The following KCNH2 variants were observed in gnomAD, a reference collection of about 807,000 sequenced individuals.
KCNH2 encodes the protein potassium voltage-gated channel subfamily H member 2.
A neutral mutation model predicts 95.9 loss-of-function variants in KCNH2; 35 were observed. The ratio of observed to expected loss-of-function variants is 0.37; its 90% CI spans 0.28 to 0.48. The LOEUF is 0.48. KCNH2 is among the 20% of genes least tolerant of loss of function. The pLI is 0.99. For missense variants in KCNH2, 1,274 were observed against 1,702.9 expected (o/e 0.75, Z 4.43); for synonymous variants, 786 against 754.7 (o/e 1.04, Z -0.68).
intron 2 of KCNH2, among the ~76,000 whole-genome samples, chr7:150,960,620 T>G (rs536101449): frequency 2.6e-5 from 4 of 152,356 alleles, no homozygotes; most frequent in Admixed American, 2.0e-4. Flanking sequence ...ATTTCACAGA[T>G]GTACCAGCCT....
intron 2 of KCNH2, among the ~76,000 whole-genome samples, chr7:150,964,410 AG>A (rs1276267654): frequency 5.9e-5 from 9 of 152,082 alleles, no homozygotes; most frequent in Admixed American, 1.3e-4. Flanking sequence ...AGGGAAGGAG[AG>A]GGAACAAGCC....
chr7:150,971,454 T>C (rs1217585391), intron 2 of KCNH2, among the ~76,000 whole-genome samples: 2 of 151,958 alleles, frequency 1.3e-5, no homozygotes, highest in East Asian at 1.9e-4. Flanking sequence ...GAGAAGCTAA[T>C]AGACTCCTCT....
intron 5 of KCNH2, among the ~76,000 whole-genome samples, chr7:150,956,100 A>T (rs1356568316): frequency 6.6e-6 from 1 of 152,174 alleles, no homozygotes; most frequent in Non-Finnish European, 1.5e-5. Flanking sequence ...ACTGGCAGGA[A>T]CACACACGCC....
chr7:150,950,205 G>A lies in KCNH2; in HGVS notation c.2361C>T (p.Ile787=), dbSNP rs147635827. 21 of 1,611,536 alleles carry A rather than the reference G, an allele frequency of 1.3e-5. No homozygotes were observed. The highest frequency in any genetic ancestry group is 2.2e-5 in the East Asian group (1 of 44,750). Residue 787 remains isoleucine (I), a synonymous_variant, in exon 9 of 15, where the codon ATC becomes ATT. Coordinates refer to ENST00000262186, the MANE Select transcript of KCNH2 (RefSeq NM_000238.4). ...CGACGACGTCGCCCCGCAGGATCTCGATGGAGCCCCGGGAGATGAAGTACA... is the reference window on the plus strand; with the variant it reads ...CGACGACGTCGCCCCGCAGGATCTCAATGGAGCCCCGGGAGATGAAGTACA... ...TALYFISRGS[I]EILRGDVVVA... is the part of the protein sequence containing the mutation.
intron 2 of KCNH2, among the ~76,000 whole-genome samples, chr7:150,973,839 C>T (rs928918740): frequency 6.6e-6 from 1 of 152,248 alleles, no homozygotes; most frequent in Non-Finnish European, 1.5e-5. Flanking sequence ...TAGTGCCTGC[C>T]AGGCTCACAA....
chr7:150,959,608 T>A lies in KCNH2; in HGVS notation c.436A>T (p.Asn146Tyr). 1.2e-6 allele frequency: 2 copies of A among 1,614,052 alleles called. No homozygotes were observed. Among genetic ancestry groups the A allele is most frequent in the South Asian group, 2.2e-5 (2 of 91,072 alleles). Residue 146 changes from asparagine to tyrosine, a missense_variant, in exon 3 of 15, where the codon AAC (asparagine) becomes TAC (tyrosine). Around this residue, in one of 7 missense-constraint regions of KCNH2, gnomAD observed 392 missense variants for 429.9 expected, o/e 0.91. Transcript: ENST00000262186. ...CAGCTGGTGGGGGGGCCCCGGTGGT[T>A]GGTGTCATGAGCCGGGGACCCCACC... is the stretch of plus-strand genomic sequence containing the variant. The part of the protein sequence containing the change: ...DMVGSPAHDT[N>Y]HRGPPTSWLA...
Position 150,952,371 on chromosome 7 carries a change from C to T in KCNH2, c.1557+54G>A. On this transcript the variant is annotated intron_variant, in intron 6 of 14. Coordinates refer to ENST00000262186, the MANE Select transcript of KCNH2 (RefSeq NM_000238.4). The surrounding 1 kb of genome is among the most constrained non-coding windows in gnomAD (Gnocchi z 7.3). ...ACCCCCTCCACCCCACTACCTCCCA[C>T]CACATTCCTGGCCTCTCCTCTCCCT... is the stretch of plus-strand genomic sequence containing the variant. 1 of 1,563,822 alleles carries T rather than the reference C, an allele frequency of 6.4e-7. No homozygotes were observed. The highest frequency in any genetic ancestry group is 1.1e-5 in the South Asian group (1 of 88,304).
At chr7:150,948,614 C>A (rs1158996911) in intron 10 of KCNH2, 71 bp from the exon 11 acceptor site, 4 of 1,388,588 alleles carry the variant, frequency 2.9e-6, no homozygotes, top group Non-Finnish European at 4.1e-6. Context: ...CCCAAGCTCC[C>A]TCCTTAACAC....
chr7:150,945,607 G>T lies in KCNH2; in HGVS notation c.3331-93C>A. 7.5e-7 allele frequency: 1 copy of T among 1,333,960 alleles called. No homozygotes were observed. The highest frequency in any genetic ancestry group is 1.1e-6 in the Non-Finnish European group (1 of 950,424). 82.6% of individuals were successfully genotyped at this position (1,333,960 alleles called of 1,614,324 possible). A position where few individuals can be genotyped will look rare whatever the true frequency, so the allele number is the denominator to read the frequency against. On this transcript the variant is annotated intron_variant, in intron 14 of 14. Coordinates refer to ENST00000262186, the MANE Select transcript of KCNH2 (RefSeq NM_000238.4). The surrounding 1 kb of genome is among the most constrained non-coding windows in gnomAD (Gnocchi z 5.6). ...CAGGAGAACCCGGGGACAGAGGATG[G>T]ACGGGAGGACAGGAGGGCCAAGAGG...
rs1212065784 is a variant in KCNH2, at chr7:150,947,410, TGAG to T, written c.3067_3069del (p.Leu1023del). ...CGACCCGGGCTGGAGAGGGGGATGT[TGAG>T]GAGGCTGGGGGTGGGGGCGGGGCAT... On this transcript the variant is annotated inframe_deletion, in exon 13 of 15. Coordinates refer to ENST00000262186, the MANE Select transcript of KCNH2 (RefSeq NM_000238.4). 3.2e-6 allele frequency: 5 copies of T among 1,550,244 alleles called. No homozygotes were observed. The highest frequency in any genetic ancestry group is 4.4e-6 in the Non-Finnish European group (5 of 1,147,114).
At chr7:150,976,982 G>A (rs1167395079) in intron 1 of KCNH2, among the ~76,000 whole-genome samples, 1 of 151,988 alleles carries the variant, frequency 6.6e-6, no homozygotes, top group Non-Finnish European at 1.5e-5. Context: ...CAACTCCCAG[G>A]GCCCTTGGCA....
rs1801234584 is a variant in KCNH2, at chr7:150,952,828, A to G, written c.1154T>C (p.Leu385Pro). ...TQVLSLGADV[L>P]PEYKLQAPRI... ...CGGTGCCTGCAGCTTGTACTCAGGC[A>G]GCACGTCGGCGCCCAGGGACAGGAC... The change falls in exon 6 of 15, where the codon CTG becomes CCG. Residue 385 changes from leucine to proline, a missense_variant. This residue lies in a region of KCNH2 where 392 missense variants were observed against 429.9 expected (regional missense o/e 0.91). Transcript: ENST00000262186. The surrounding 1 kb of genome is among the most constrained non-coding windows in gnomAD (Gnocchi z 7.3). 6.2e-7 allele frequency: 1 copy of G among 1,613,922 alleles called. No homozygotes were observed. Among genetic ancestry groups the G allele is most frequent in the Admixed American group, 1.7e-5 (1 of 60,012 alleles).
intron 9 of KCNH2, 85 bp from the exon 10 acceptor site, chr7:150,949,134 G>A (rs915758658): frequency 5.6e-5 from 69 of 1,223,294 alleles, no homozygotes; most frequent in South Asian, 2.2e-4. Context: ...TCCCCACCCC[G>A]GGCAGAGCAT....
At chr7:150,963,332 C>T (rs554226649) in intron 2 of KCNH2, among the ~76,000 whole-genome samples, 8 of 152,222 alleles carry the variant, frequency 5.3e-5, no homozygotes, top group Middle Eastern at 3.4e-3. Flanking sequence ...GACTTTGGGC[C>T]GGTCACTTAC....
In KCNH2 at chr7:150,945,154, G is replaced by T. The variant is rs1800844480; in HGVS notation, c.*211C>A. 3 of 611,784 alleles carry T rather than the reference G, an allele frequency of 4.9e-6. No homozygotes were observed. The East Asian group carries it at 8.3e-5, about 17-fold the overall frequency. The allele number at this position is 611,784 out of a possible 1,614,324, so 37.9% of individuals were successfully genotyped here. ...CCTCAGGGCAGTGGGGGGACCACAG[G>T]CCCCACCTACTGCCGGCCCTGCCCC... is the stretch of plus-strand genomic sequence containing the variant. On this transcript the variant is annotated 3_prime_UTR_variant, in exon 15 of 15. Coordinates refer to ENST00000262186, the MANE Select transcript of KCNH2 (RefSeq NM_000238.4). The surrounding 1 kb of genome is among the most constrained non-coding windows in gnomAD (Gnocchi z 5.6).
At position 150,951,179 on chromosome 7, in the gene KCNH2, GA is replaced by G. The variant is rs1237642570; in HGVS notation, c.1946-60del. 3 of 1,442,996 alleles carry G rather than the reference GA, an allele frequency of 2.1e-6. No individual in the cohort carries two copies. The Admixed American group carries it at 5.3e-5, about 25-fold the overall frequency. The allele number at this position is 1,442,996 out of a possible 1,614,324, so 89.4% of individuals were successfully genotyped here. A position where few individuals can be genotyped will look rare whatever the true frequency, so the allele number is the denominator to read the frequency against. ...TGCAGGGACCCCACCCACCCACAGG[GA>G]CCCTGCTCAGGCCCCGCACCAGGTC... On this transcript the variant is annotated intron_variant, in intron 7 of 14. Transcript: ENST00000262186.
In KCNH2 at chr7:150,959,688, T is replaced by C. The variant is rs758097373; in HGVS notation, c.356A>G (p.Asp119Gly). The C allele has an allele frequency of 6.2e-7, 1 of 1,613,876 alleles. No individual in the cohort carries two copies. The highest frequency in any genetic ancestry group is 2.2e-5 in the East Asian group (1 of 44,834). Residue 119 changes from aspartate (D) to glycine (G), a missense_variant, in exon 3 of 15, where the codon GAT becomes GGT. Asp to Gly is a moderately conservative substitution (Grantham distance 94, BLOSUM62 -1). Transcript: ENST00000262186. ...LVDVVPVKNE[D>G]GAVIMFILNF... ...GAGGATGAACATGATGACAGCCCCA[T>C]CCTCGTTCTTCACGGGCACCACATC... is the stretch of plus-strand genomic sequence containing the variant.
At chr7:150,971,394 G>A (rs967977972) in intron 2 of KCNH2, among the ~76,000 whole-genome samples, 4 of 150,656 alleles carry the variant, frequency 2.7e-5, no homozygotes, top group Non-Finnish European at 5.9e-5. Context: ...CTGTTGCAGT[G>A]GGGGGCCCTC....
rs770283713 is a variant in KCNH2 at position 150,952,431 on chromosome 7, A to G, written c.1551T>C (p.Ser517=). ...PFDLLIFGSG[S]EELIGLLKTA... ...GCCTCCTTGCTGACCCCACCTCCTCAGAGCCAGAGCCGAAGATGAGCAGGT... is the reference window on the plus strand; with the variant it reads ...GCCTCCTTGCTGACCCCACCTCCTCGGAGCCAGAGCCGAAGATGAGCAGGT... The change falls in exon 6 of 15, where the codon TCT becomes TCC. Residue 517 remains serine (S), a synonymous_variant. Coordinates refer to ENST00000262186, the MANE Select transcript of KCNH2 (RefSeq NM_000238.4). The surrounding 1 kb of genome is among the most constrained non-coding windows in gnomAD (Gnocchi z 7.3). The G allele has an allele frequency of 6.2e-6, 10 of 1,613,802 alleles. No homozygotes were observed. Among genetic ancestry groups the G allele is most frequent in the Non-Finnish European group, 7.6e-6 (9 of 1,179,936 alleles).
Sources: allele counts gnomAD v4.1 joint callset (sites outside exome capture counted in the v4.1 genomes callset), GRCh38; gene constraint gnomAD v4.1.1; regional missense constraint gnomAD v4.1.1; non-coding constraint Gnocchi (gnomAD v3.1); transcripts MANE v1.5; gene names NCBI Gene and HGNC (gene_info 2026-07-23, HGNC 2026-07-21).